ZBTB38: variants seen among roughly 807,000 people sequenced by gnomAD.
The protein encoded by ZBTB38 is zinc finger and BTB domain-containing protein 38.
ZBTB38 carries 20 observed loss-of-function variants against 76.8 expected under a neutral mutation model. The ratio of observed to expected loss-of-function variants is 0.26; its 90% confidence interval spans 0.18 to 0.38. The LOEUF (loss-of-function observed/expected upper bound fraction) is 0.38, where lower values mean the gene tolerates loss of function less well. ZBTB38 is among the 10% of genes least tolerant of loss of function. ZBTB38 has a pLI of 1.00. For synonymous variants in ZBTB38, 504 were observed against 544.2 expected (o/e 0.93, Z 1.03); for missense variants, 1,082 against 1,482.3 (o/e 0.73, Z 4.43).
intron 1 of ZBTB38, among the ~76,000 whole-genome samples, chr3:141,361,483 A>T (rs1346310054): frequency 2.0e-5 from 3 of 152,350 alleles, no homozygotes; most frequent in African/African-American, 7.2e-5. Flanking sequence ...GAGGCTGAGA[A>T]GTTAAGGTCA....
At chr3:141,338,814 G>C (rs1943089643) in intron 1 of ZBTB38, among the ~76,000 whole-genome samples, 1 of 152,034 alleles carries the variant, frequency 6.6e-6, no homozygotes, top group Non-Finnish European at 1.5e-5. Flanking sequence ...TTGGAAAGTT[G>C]GAAGAAAAAG....
chr3:141,418,018 A>C (rs1003522508), intron 5 of ZBTB38, among the ~76,000 whole-genome samples: 1 of 152,218 alleles, frequency 6.6e-6, no homozygotes, highest in Admixed American at 6.5e-5. Context: ...TCTCAAAAAA[A>C]TAAATAAATA....
At chr3:141,378,475 G>A (rs1945719514) in intron 2 of ZBTB38, among the ~76,000 whole-genome samples, 1 of 152,200 alleles carries the variant, frequency 6.6e-6, no homozygotes, top group Non-Finnish European at 1.5e-5. Flanking sequence ...AAGTACTACA[G>A]CGATGTAAGA....
chr3:141,351,721 T>TTTTTTTTTTTTTTTTTTTTTTTTTTTGAG (rs1559917084), intron 1 of ZBTB38, among the ~76,000 whole-genome samples: 1 of 123,160 alleles, frequency 8.1e-6, no homozygotes. Flanking sequence ...CTCTGTCTCT[T>TTTTTTTTTTTTTTTTTTTTTTTTTTTGAG]AAAAAAAAAA....
chr3:141,402,009 T>C (rs1046611810), intron 4 of ZBTB38, among the ~76,000 whole-genome samples: 6 of 152,240 alleles, frequency 3.9e-5, no homozygotes, highest in East Asian at 1.9e-4. Flanking sequence ...CGGACCCTTC[T>C]GCGGCCCGAG....
chr3:141,354,906 T>C (rs1943618256), intron 1 of ZBTB38, among the ~76,000 whole-genome samples: 1 of 152,126 alleles, frequency 6.6e-6, no homozygotes, highest in East Asian at 1.9e-4. Context: ...CTAGGCCTAA[T>C]TCCAGGCCTC....
chr3:141,346,779 G>T (rs924301543), intron 1 of ZBTB38, among the ~76,000 whole-genome samples: 27 of 85,580 alleles, frequency 3.2e-4, no homozygotes, highest in Non-Finnish European at 4.7e-4. Context: ...TTTTTGTTTT[G>T]TTTTGTGTGT....
At chr3:141,394,388 T>G (rs550210470) in intron 4 of ZBTB38, 1 of 152,114 alleles carries the variant, frequency 6.6e-6, no homozygotes. Context: ...TTACCACCAC[T>G]CCTCACCACC....
chr3:141,387,822 C>T (rs1947557420), intron 4 of ZBTB38: 1 of 152,182 alleles, frequency 6.6e-6, no homozygotes, highest in African/African-American at 2.4e-5. Flanking sequence ...AGTTGGTCTC[C>T]ATCGCTTTAC....
chr3:141,338,380 G>C (rs893188406), intron 1 of ZBTB38, among the ~76,000 whole-genome samples: 3 of 152,146 alleles, frequency 2.0e-5, no homozygotes, highest in African/African-American at 7.2e-5. Flanking sequence ...CAATAGCAAA[G>C]ACATGAATCA....
chr3:141,437,826 C>G (rs1469480307), intron 5 of ZBTB38, among the ~76,000 whole-genome samples: 1 of 152,170 alleles, frequency 6.6e-6, no homozygotes, highest in African/African-American at 2.4e-5. Context: ...GAACCAATGT[C>G]TCAAAGCACA....
rs867743779 is a variant in ZBTB38 at position 141,422,406 on chromosome 3, C to T, written c.-1+18375C>T. On this transcript the variant is annotated intron_variant, in intron 5 of 5. Coordinates refer to ENST00000321464, the MANE Select transcript of ZBTB38 (RefSeq NM_001376113.1). ...GTCACCTTACTGCGTTTAAAAGGCC[C>T]CTCGCCACCAAGGCAAGGATGGACC... 2.6e-5 allele frequency among the ~76,000 whole-genome samples: 4 copies of T among 152,218 alleles called. No homozygotes were observed. In the South Asian group the frequency reaches 8.3e-4, roughly 32 times the overall value.
At chr3:141,429,522 C>T (rs1008838430) in intron 5 of ZBTB38, among the ~76,000 whole-genome samples, 5 of 152,182 alleles carry the variant, frequency 3.3e-5, no homozygotes, top group Admixed American at 1.3e-4. Context: ...TTACTGCGTG[C>T]TCCTGCCATG....
chr3:141,444,963 T>C lies in ZBTB38; in HGVS notation c.2575T>C (p.Phe859Leu). The C allele has an allele frequency of 6.2e-7, 1 of 1,614,050 alleles. No homozygotes were observed. Among genetic ancestry groups the C allele is most frequent in the Non-Finnish European group, 8.5e-7 (1 of 1,180,022 alleles). The change falls in exon 6 of 6, where the codon TTT becomes CTT. Residue 859 changes from phenylalanine (F) to leucine (L), a missense_variant. Around this residue, in one of 8 missense-constraint regions of ZBTB38, gnomAD observed 471 missense variants for 581.0 expected, o/e 0.81. Coordinates refer to ENST00000321464, the MANE Select transcript of ZBTB38 (RefSeq NM_001376113.1). This position sits in a 1 kb window ranked among gnomAD's most constrained non-coding sequence, Gnocchi z 5.1. Reference protein sequence around the residue: ...VKRHILGSKLFYKRGRRPKYQ... With the variant: ...VKRHILGSKLLYKRGRRPKYQ... ...AAGGCACATTCTAGGATCTAAATTG[T>C]TTTATAAAAGAGGGAGAAGACCCAA...
rs774899019 is a variant in ZBTB38, at chr3:141,443,849, A to G, written c.1461A>G (p.Thr487=). The change falls in exon 6 of 6, where the codon ACA becomes ACG. Residue 487 remains threonine (T), a synonymous_variant. Transcript: ENST00000321464. This position sits in a 1 kb window ranked among gnomAD's most constrained non-coding sequence, Gnocchi z 5.6. The part of the protein sequence containing the change: ...RHANVHSWRR[T]YPCHYCNKVF... Reference sequence around the variant, plus strand: ...CAAATGTTCACTCCTGGAGAAGAACATATCCTTGCCATTACTGCAACAAAG... The same window carrying G: ...CAAATGTTCACTCCTGGAGAAGAACGTATCCTTGCCATTACTGCAACAAAG... 14 of 1,614,022 alleles carry G rather than the reference A, an allele frequency of 8.7e-6. No homozygotes were observed. Among genetic ancestry groups the G allele is most frequent in the Middle Eastern group, 1.6e-4 (1 of 6,084 alleles).
intron 5 of ZBTB38, among the ~76,000 whole-genome samples, chr3:141,411,524 T>A (rs1162332642): frequency 2.0e-5 from 3 of 152,220 alleles, no homozygotes; most frequent in African/African-American, 7.2e-5. Context: ...TTCCCTTGAA[T>A]TAATGCAAGT....
intron 5 of ZBTB38, among the ~76,000 whole-genome samples, chr3:141,440,374 A>G (rs533401231): frequency 6.6e-6 from 1 of 152,360 alleles, no homozygotes; most frequent in African/African-American, 2.4e-5. Flanking sequence ...GGATCCTTGT[A>G]TAAAGGACAC....
At chr3:141,335,498 C>T (rs1227092228) in intron 1 of ZBTB38, among the ~76,000 whole-genome samples, 1 of 152,228 alleles carries the variant, frequency 6.6e-6, no homozygotes, top group African/African-American at 2.4e-5. Context: ...GAATGTTCCT[C>T]ATAACTTTTC....
intron 1 of ZBTB38, among the ~76,000 whole-genome samples, chr3:141,334,623 C>T (rs558307050): frequency 6.6e-6 from 1 of 152,230 alleles, no homozygotes; most frequent in Non-Finnish European, 1.5e-5. Context: ...CTCCCCTTCT[C>T]GCACATGGGG....
Sources: allele counts gnomAD v4.1 joint callset (sites outside exome capture counted in the v4.1 genomes callset), GRCh38; gene constraint gnomAD v4.1.1; regional missense constraint gnomAD v4.1.1; non-coding constraint Gnocchi (gnomAD v3.1); transcripts MANE v1.5; gene names NCBI Gene and HGNC (gene_info 2026-07-23, HGNC 2026-07-21).